GOLGA5: variants seen among roughly 807,000 people sequenced by gnomAD.
GOLGA5 encodes the protein golgin A5.
In GOLGA5, 50 loss-of-function variants were observed where a neutral mutation model predicts 93.5. The ratio of observed to expected loss-of-function variants is 0.53; its 90% CI spans 0.43 to 0.68. GOLGA5 has a LOEUF of 0.68. Ranked by LOEUF, GOLGA5 falls within the 30% of genes least tolerant of loss-of-function variation. The pLI is 0.00. For missense variants in GOLGA5, 760 were observed against 856.4 expected (o/e 0.89, Z 1.40); for synonymous variants, 312 against 304.5 (o/e 1.02, Z -0.26).
rs187560222 is a variant in GOLGA5, at chr14:92,833,489, T to G, written c.1945+142T>G. 2.1e-3 allele frequency: 1,300 copies of G among 624,962 alleles called. 1 individual carries two copies. The highest frequency in any genetic ancestry group is 3.0e-3 in the Non-Finnish European group (1,044 of 350,540). The allele number at this position is 624,962 out of a possible 1,614,324, so 38.7% of individuals were successfully genotyped here. A position where few individuals can be genotyped will look rare whatever the true frequency, so the allele number is the denominator to read the frequency against. On this transcript the variant is annotated intron_variant, in intron 10 of 12. Coordinates refer to ENST00000163416, the MANE Select transcript of GOLGA5 (RefSeq NM_005113.4). ...TATGAGACCTGGGCCACGTACTGTT[T>G]AGTATTGTTAGTGAACCGGATAATG...
intron 1 of GOLGA5, among the ~76,000 whole-genome samples, chr14:92,795,499 A>AT (rs1309242888): frequency 1.3e-5 from 2 of 152,134 alleles, no homozygotes; most frequent in African/African-American, 2.4e-5. Flanking sequence ...CCCTTTCCAC[A>AT]TTTGCTTTAA....
Position 92,811,710 on chromosome 14 carries a change from C to A in GOLGA5, c.1276C>A (p.Gln426Lys). Residue 426 changes from glutamine to lysine, a missense_variant, in exon 6 of 13, where the codon CAG (glutamine) becomes AAG (lysine). Transcript: ENST00000163416. Reference sequence around the variant, plus strand: ...TAAGTTGAACTTGGAGTCCTCTAAGCAGGAATTAATTGACTACAAGCAAAA... The same window carrying A: ...TAAGTTGAACTTGGAGTCCTCTAAGAAGGAATTAATTGACTACAAGCAAAA... ...LYKLNLESSK[Q>K]ELIDYKQKAT... 3.7e-6 allele frequency: 6 copies of A among 1,613,014 alleles called. No homozygotes were observed. The highest frequency in any genetic ancestry group is 5.1e-6 in the Non-Finnish European group (6 of 1,179,318).
chr14:92,814,761 C>T (rs1341678391), intron 6 of GOLGA5, among the ~76,000 whole-genome samples: 2 of 151,912 alleles, frequency 1.3e-5, no homozygotes, highest in Non-Finnish European at 2.9e-5. Context: ...CCTTGTTGTT[C>T]CTAGTCTAGA....
At chr14:92,815,185 A>G (rs896053201) in intron 6 of GOLGA5, among the ~76,000 whole-genome samples, 1 of 152,196 alleles carries the variant, frequency 6.6e-6, no homozygotes, top group Non-Finnish European at 1.5e-5. Flanking sequence ...TGCATCTCAC[A>G]TTATTTTCTT....
chr14:92,839,493 G>A lies in GOLGA5; in HGVS notation c.*47G>A. ...GATTGGTTGTCTTTTTCTAGACTTG[G>A]GATCTGCAAGAAGGCCAATTGCCTA... is the stretch of plus-strand genomic sequence containing the variant. On this transcript the variant is annotated 3_prime_UTR_variant, in exon 13 of 13. Transcript: ENST00000163416. 7.7e-7 allele frequency: 1 copy of A among 1,296,518 alleles called. No individual in the cohort carries two copies. The highest frequency in any genetic ancestry group is 1.1e-6 in the Non-Finnish European group (1 of 900,272). The allele number at this position is 1,296,518 out of a possible 1,614,324, so 80.3% of individuals were successfully genotyped here.
intron 3 of GOLGA5, among the ~76,000 whole-genome samples, chr14:92,808,247 A>G (rs1885031673): frequency 6.6e-6 from 1 of 151,750 alleles, no homozygotes; most frequent in South Asian, 2.1e-4. Flanking sequence ...ACTCGTCTCA[A>G]CAACAACAAC....
At chr14:92,807,170 C>T (rs1885006142) in intron 3 of GOLGA5, among the ~76,000 whole-genome samples, 1 of 152,032 alleles carries the variant, frequency 6.6e-6, no homozygotes, top group South Asian at 2.1e-4. Context: ...GATGTGGTTG[C>T]AGGCACCTGT....
intron 12 of GOLGA5, among the ~76,000 whole-genome samples, chr14:92,838,548 G>C (rs148950597): frequency 6.6e-6 from 1 of 151,956 alleles, no homozygotes; most frequent in African/African-American, 2.4e-5. Flanking sequence ...TTCTGTGTTT[G>C]GGAGATGGGT....
intron 9 of GOLGA5, 86 bp downstream of exon 9, chr14:92,824,730 G>A (rs952383579): frequency 1.7e-5 from 12 of 698,144 alleles, no homozygotes; most frequent in Admixed American, 5.2e-5. Flanking sequence ...AACTTTCCCC[G>A]TGTTTTCACC....
chr14:92,808,692 G>T (rs1232608983), intron 3 of GOLGA5, among the ~76,000 whole-genome samples: 1 of 65,580 alleles, frequency 1.5e-5, no homozygotes, highest in African/African-American at 6.2e-5. Context: ...AGAAAGGTGT[G>T]TCTCACTGGA....
chr14:92,816,421 G>C lies in GOLGA5; in HGVS notation c.1491G>C (p.Gln497His). ...TACATCAGCTCAGATCCGAATTACAGGTAAGATTCATGGTGGTTCAGCTTA... is the reference window on the plus strand; with the variant it reads ...TACATCAGCTCAGATCCGAATTACACGTAAGATTCATGGTGGTTCAGCTTA... ...GQIHQLRSEL[Q>H]DMEAQQVNEA... Residue 497 changes from glutamine to histidine, a missense_variant and splice_region_variant, in exon 7 of 13, where the codon CAG (glutamine) becomes CAC (histidine). Physicochemically the swap from Gln to His is conservative, Grantham distance 24. Transcript: ENST00000163416. The C allele has an allele frequency of 6.2e-7, 1 of 1,613,392 alleles. No individual in the cohort carries two copies. The highest frequency in any genetic ancestry group is 8.5e-7 in the Non-Finnish European group (1 of 1,179,464).
At chr14:92,796,641 A>T (rs953534395) in intron 1 of GOLGA5, among the ~76,000 whole-genome samples, 2 of 152,058 alleles carry the variant, frequency 1.3e-5, no homozygotes, top group African/African-American at 4.8e-5. Context: ...ATTTGGAGGG[A>T]TGCAGTTCAG....
At chr14:92,835,937 CTG>C (rs1491254227) in intron 11 of GOLGA5, among the ~76,000 whole-genome samples, 1 of 40,794 alleles carries the variant, frequency 2.5e-5, no homozygotes, top group Non-Finnish European at 4.7e-5. Flanking sequence ...TTAACCCTGA[CTG>C]TATCTCTTTT....
intron 6 of GOLGA5, among the ~76,000 whole-genome samples, chr14:92,812,142 C>G (rs745921920): frequency 1.3e-5 from 2 of 152,186 alleles, no homozygotes; most frequent in Non-Finnish European, 2.9e-5. Context: ...TCCTTCAGAT[C>G]TAAGGTGATC....
At chr14:92,810,153 C>CT (rs1885073919) in intron 4 of GOLGA5, 101 bp from the exon 5 acceptor site, 1 of 758,650 alleles carries the variant, frequency 1.3e-6, no homozygotes, top group Middle Eastern at 2.8e-4. Context: ...GTCAAATTAT[C>CT]TTTTTTGTGC....
rs1392522945 is a variant in GOLGA5 at position 92,810,292 on chromosome 14, A to G, written c.1031A>G (p.Asn344Ser). 1.9e-6 allele frequency: 3 copies of G among 1,595,932 alleles called. No homozygotes were observed. Among genetic ancestry groups the G allele is most frequent in the Non-Finnish European group, 2.6e-6 (3 of 1,166,722 alleles). ...CAAAGTGAAGGTAACAGCCTGCAGA[A>G]TCAAGCTCTGCAGACTTTTCAGGAG... ...QDQSEGNSLQ[N>S]QALQTFQERL... Residue 344 changes from asparagine (N) to serine (S), a missense_variant, in exon 5 of 13, where the codon AAT (asparagine) becomes AGT (serine). Transcript: ENST00000163416.
At chr14:92,816,213 C>A in intron 6 of GOLGA5, 38 bp from the exon 7 acceptor site, 2 of 1,406,234 alleles carry the variant, frequency 1.4e-6, no homozygotes, top group Non-Finnish European at 2.0e-6. Context: ...ACAAACTAAT[C>A]TCTGCTTTGC....
chr14:92,824,426 C>G (rs45487597), intron 8 of GOLGA5, 120 bp from the exon 9 acceptor site: 9 of 578,956 alleles, frequency 1.6e-5, no homozygotes, highest in Non-Finnish European at 2.5e-5. Flanking sequence ...CAGTTATATA[C>G]GGAGTTACAT....
intron 2 of GOLGA5, among the ~76,000 whole-genome samples, chr14:92,803,188 G>A (rs1434320724): frequency 6.6e-6 from 1 of 151,892 alleles, no homozygotes; most frequent in Non-Finnish European, 1.5e-5. Flanking sequence ...GGCACACACC[G>A]CCATGCGTAG....
Sources: allele counts gnomAD v4.1 joint callset (sites outside exome capture counted in the v4.1 genomes callset), GRCh38; gene constraint gnomAD v4.1.1; transcripts MANE v1.5; gene names NCBI Gene and HGNC (gene_info 2026-07-23, HGNC 2026-07-21).